Variants in SEC14L5 observed in about 807,000 individuals in gnomAD.
SEC14L5 encodes SEC14-like protein 5.
SEC14L5 carries 96 observed loss-of-function variants against 84.6 expected under a neutral mutation model. The ratio of observed to expected loss-of-function variants is 1.13; its 90% CI spans 0.96 to 1.34. The LOEUF is 1.34. Among genes scored for constraint, SEC14L5 ranks in the 40% most tolerant of loss-of-function variants. The probability of loss-of-function intolerance (pLI) is 0.00; values close to 1 mark genes in which losing one functional copy is unlikely to be tolerated. For missense variants in SEC14L5, 1,224 were observed against 942.5 expected (o/e 1.30, Z -3.91); for synonymous variants, 546 against 383.4 (o/e 1.42, Z -4.95).
At chr16:5,006,531 T>C (rs562852392) in intron 12 of SEC14L5, among the ~76,000 whole-genome samples, 11 of 152,158 alleles carry the variant, frequency 7.2e-5, no homozygotes, top group Non-Finnish European at 1.6e-4. Flanking sequence ...GCCCCTTTTA[T>C]TGCCTCCCCT....
chr16:5,013,741 T>G (rs1170834780), intron 15 of SEC14L5, among the ~76,000 whole-genome samples: 1 of 151,888 alleles, frequency 6.6e-6, no homozygotes, highest in Non-Finnish European at 1.5e-5. Flanking sequence ...ATATTTTTAG[T>G]GGAGACAGGT....
chr16:4,980,288 C>A (rs1242554728), intron 2 of SEC14L5, among the ~76,000 whole-genome samples: 1 of 152,332 alleles, frequency 6.6e-6, no homozygotes. Context: ...AGCCTCAGCT[C>A]GAATGTCCCC....
intron 8 of SEC14L5, among the ~76,000 whole-genome samples, chr16:4,998,120 G>A (rs992586352): frequency 1.1e-4 from 17 of 150,434 alleles, no homozygotes; most frequent in Admixed American, 4.0e-4. Flanking sequence ...ATTCTCCTGC[G>A]TCAGCCTCCT....
chr16:4,998,177 T>G (rs1239197429), intron 8 of SEC14L5, among the ~76,000 whole-genome samples: 1 of 151,584 alleles, frequency 6.6e-6, no homozygotes, highest in Non-Finnish European at 1.5e-5. Flanking sequence ...GGCTAATTTT[T>G]GTACTTTTAG....
chr16:4,993,382 C>T (rs897278253), intron 6 of SEC14L5, among the ~76,000 whole-genome samples: 1 of 152,146 alleles, frequency 6.6e-6, no homozygotes, highest in South Asian at 2.1e-4. Context: ...GCTGGGATTA[C>T]AGGCATGTGC....
chr16:5,009,926 G>A (rs1478536101), intron 14 of SEC14L5, among the ~76,000 whole-genome samples: 1 of 152,044 alleles, frequency 6.6e-6, no homozygotes, highest in Admixed American at 6.5e-5. Flanking sequence ...TGGACACGAG[G>A]GTAGCTTGAG....
chr16:5,010,839 A>C (rs1395689107), intron 14 of SEC14L5: 3 of 494,294 alleles, frequency 6.1e-6, no homozygotes, highest in Non-Finnish European at 1.1e-5. Context: ...TGTTGTCCTG[A>C]AGTTGCACCC....
At position 5,018,952 on chromosome 16, in the gene SEC14L5, T is replaced by C. The variant is rs1391178894; in HGVS notation, c.*3982T>C. 8.5e-5 allele frequency: 13 copies of C among 152,344 alleles called. No individual in the cohort carries two copies. Among genetic ancestry groups the C allele is most frequent in the Admixed American group, 3.3e-4 (5 of 15,300 alleles). 9.4% of individuals were successfully genotyped at this position (152,344 alleles called of 1,614,324 possible). On this transcript the variant is annotated 3_prime_UTR_variant, in exon 16 of 16. Coordinates refer to ENST00000251170, the MANE Select transcript of SEC14L5 (RefSeq NM_014692.2). ...TGATCACTTGCTCCAACCAGCAGCATTAAATGTTTTCCATTTGGATAAACT... is the reference window on the plus strand; with the variant it reads ...TGATCACTTGCTCCAACCAGCAGCACTAAATGTTTTCCATTTGGATAAACT...
Position 5,011,076 on chromosome 16 carries a change from C to T in SEC14L5, c.1801-19C>T. ...CTCTGGAGGGCGCAGGGCCTCAGGG[C>T]AGGGCTGATGTGTTTCAGGGCTCCC... On this transcript the variant is annotated intron_variant, in intron 14 of 15. Coordinates refer to ENST00000251170, the MANE Select transcript of SEC14L5 (RefSeq NM_014692.2). The T allele has an allele frequency of 6.3e-7, 1 of 1,577,570 alleles. No homozygotes were observed. Among genetic ancestry groups the T allele is most frequent in the Non-Finnish European group, 8.6e-7 (1 of 1,162,276 alleles).
At chr16:4,980,592 C>T (rs190821415) in intron 2 of SEC14L5, among the ~76,000 whole-genome samples, 1 of 152,092 alleles carries the variant, frequency 6.6e-6, no homozygotes, top group Non-Finnish European at 1.5e-5. Context: ...GCATTGTTAG[C>T]GCCAAGGGTG....
intron 8 of SEC14L5, among the ~76,000 whole-genome samples, chr16:4,998,534 C>G (rs947314316): frequency 4.7e-5 from 7 of 148,874 alleles, no homozygotes; most frequent in Non-Finnish European, 6.0e-5. Context: ...GTCAGGAGAT[C>G]GAGACCATCC....
rs1402253112 is a variant in SEC14L5, at chr16:5,003,329, C to T, written c.1131-73C>T. 4.1e-6 allele frequency: 5 copies of T among 1,205,084 alleles called. No individual in the cohort carries two copies. In the African/African-American group the frequency reaches 4.5e-5, roughly 11 times the overall value. 74.6% of individuals were successfully genotyped at this position (1,205,084 alleles called of 1,614,324 possible). On this transcript the variant is annotated intron_variant, in intron 10 of 15. Transcript: ENST00000251170. ...TATCTCTCGGAGCCTCCCTGTTCAT[C>T]CCCTGTGGGGAGGGTGTTGGTGGCC... is the stretch of plus-strand genomic sequence containing the variant.
Position 5,008,526 on chromosome 16 carries a change from C to G in SEC14L5, c.1678C>G (p.Leu560Val), listed in dbSNP as rs374590239. 9.3e-6 allele frequency: 15 copies of G among 1,609,146 alleles called. 1 individual carries two copies. The highest frequency in any genetic ancestry group is 1.3e-5 in the Non-Finnish European group (15 of 1,178,370). ...GTACCACACCAAGCAGGCGCCCAGGCTGGGCGCCCGGGAACCGGGGACCAG... is the reference window on the plus strand; with the variant it reads ...GTACCACACCAAGCAGGCGCCCAGGGTGGGCGCCCGGGAACCGGGGACCAG... Reference protein sequence around the residue: ...SLYHTKQAPRLGAREPGTRAS... With the variant: ...SLYHTKQAPRVGAREPGTRAS... The change falls in exon 14 of 16, where the codon CTG (leucine) becomes GTG (valine). Residue 560 changes from leucine (L) to valine (V), a missense_variant. Physicochemically the swap from Leu to Val is conservative, Grantham distance 32 (BLOSUM62 1). Coordinates refer to ENST00000251170, the MANE Select transcript of SEC14L5 (RefSeq NM_014692.2).
intron 2 of SEC14L5, among the ~76,000 whole-genome samples, chr16:4,980,145 C>T (rs1272261567): frequency 2.6e-5 from 4 of 152,188 alleles, no homozygotes; most frequent in Non-Finnish European, 5.9e-5. Context: ...TGCTAGTTCC[C>T]ATCTCACCAG....
At chr16:4,987,728 G>A in intron 3 of SEC14L5, 22 bp downstream of exon 3, 2 of 1,468,404 alleles carry the variant, frequency 1.4e-6, no homozygotes, top group African/African-American at 1.5e-5. Context: ...TGGGGCTGGG[G>A]GGCGGAGGAG....
At chr16:5,009,246 C>T (rs140928542) in intron 14 of SEC14L5, among the ~76,000 whole-genome samples, 75 of 152,212 alleles carry the variant, frequency 4.9e-4, no homozygotes, top group Admixed American at 1.6e-3. Context: ...TCTTCTGAGT[C>T]TCAAATCTCC....
chr16:5,014,584 C>T (rs891230959), intron 15 of SEC14L5, among the ~76,000 whole-genome samples: 14 of 152,240 alleles, frequency 9.2e-5, no homozygotes, highest in African/African-American at 3.1e-4. Flanking sequence ...GGGCCGGGGA[C>T]TCCCTGGGCT....
At chr16:4,962,905 C>G (rs1025378757) in intron 2 of SEC14L5, among the ~76,000 whole-genome samples, 2 of 152,156 alleles carry the variant, frequency 1.3e-5, no homozygotes, top group African/African-American at 4.8e-5. Flanking sequence ...CTCAACGTAA[C>G]TTGCACACTG....
At chr16:4,968,174 C>T (rs908212252) in intron 2 of SEC14L5, among the ~76,000 whole-genome samples, 1 of 151,320 alleles carries the variant, frequency 6.6e-6, no homozygotes, top group African/African-American at 2.4e-5. Flanking sequence ...TGTTCACCAC[C>T]ACGCCTGGCT....
Sources: allele counts gnomAD v4.1 joint callset (sites outside exome capture counted in the v4.1 genomes callset), GRCh38; gene constraint gnomAD v4.1.1; transcripts MANE v1.5; gene names NCBI Gene and HGNC (gene_info 2026-07-23, HGNC 2026-07-21).